TEX11: variants seen among roughly 807,000 people sequenced by gnomAD.
TEX11 encodes testis-expressed protein 11.
In TEX11, 7 loss-of-function variants were observed where a neutral mutation model predicts 84.4. The observed-to-expected ratio is 0.08, with a 90% CI of 0.05 to 0.16. TEX11 has a LOEUF of 0.16. TEX11 is among the 10% of genes least tolerant of loss of function. TEX11 has a pLI of 1.00. For synonymous variants in TEX11, 264 were observed against 222.8 expected (o/e 1.18, Z -1.64); for missense variants, 551 against 660.5 (o/e 0.83, Z 1.82).
chrX:70,637,923 G>A (rs956305506), intron 17 of TEX11, among the ~76,000 whole-genome samples: 1 of 104,398 alleles, frequency 9.6e-6, no homozygotes, highest in Admixed American at 1.2e-4. Context: ...GAACTTACAA[G>A]CTGGAAATAA....
At chrX:70,524,063 C>A (rs931284918), downstream of TEX11, among the ~76,000 whole-genome samples, 4 of 111,533 alleles carry the variant, frequency 3.6e-5, no homozygotes. Flanking sequence ...TGACAAAAAT[C>A]ACTCATGACA....
intron 25 of TEX11, among the ~76,000 whole-genome samples, chrX:70,570,509 G>A (rs112950745): frequency 1.2e-4 from 13 of 112,284 alleles, no homozygotes; most frequent in Non-Finnish European, 2.4e-4. Context: ...CGCTCACGCT[G>A]GGAGCTGTAG....
At chrX:70,779,170 A>T (rs2091020566) in intron 9 of TEX11, among the ~76,000 whole-genome samples, 1 of 111,395 alleles carries the variant, frequency 9.0e-6, no homozygotes, top group Non-Finnish European at 1.9e-5. Flanking sequence ...TAATCCCAGC[A>T]CTTTGGGAGG....
At chrX:70,584,252 C>T (rs1456907632) in intron 25 of TEX11, among the ~76,000 whole-genome samples, 11 of 105,106 alleles carry the variant, frequency 1.0e-4, no homozygotes, top group Non-Finnish European at 1.8e-4. Context: ...CACTGCAGTC[C>T]GCAGTCTGGC....
chrX:70,739,948 C>G (rs777551464), intron 11 of TEX11, among the ~76,000 whole-genome samples: 1 of 111,559 alleles, frequency 9.0e-6, no homozygotes, highest in Non-Finnish European at 1.9e-5. Context: ...TGTGTCACCA[C>G]GCCCGCTTTG....
chrX:70,608,066 G>A (rs1310361479), intron 22 of TEX11, among the ~76,000 whole-genome samples: 1 of 111,621 alleles, frequency 9.0e-6, no homozygotes, highest in Non-Finnish European at 1.9e-5. Context: ...TGTAGTAACT[G>A]CCTCCGCAAG....
At chrX:70,806,914 C>T (rs2091222812) in intron 8 of TEX11, 124 bp from the exon 9 acceptor site, 1 of 440,501 alleles carries the variant, frequency 2.3e-6, no homozygotes, top group Admixed American at 4.4e-5. Flanking sequence ...CAGAGCAAAA[C>T]TCCGTCTCAA....
At chrX:70,728,419 G>C (rs762337447) in intron 11 of TEX11, among the ~76,000 whole-genome samples, 51 of 112,844 alleles carry the variant, frequency 4.5e-4, no homozygotes, top group Non-Finnish European at 9.4e-4. Context: ...CCTAGTCAAA[G>C]AAAGGAGTGA....
At chrX:70,900,395 A>AG (rs376406004) in intron 2 of TEX11, among the ~76,000 whole-genome samples, 124 of 60,079 alleles carry the variant, frequency 2.1e-3, no homozygotes, top group Non-Finnish European at 2.6e-3. Flanking sequence ...AAAAAAAAAA[A>AG]AAGAAGAAGA....
intron 15 of TEX11, among the ~76,000 whole-genome samples, chrX:70,676,582 T>C (rs1273306376): frequency 2.7e-5 from 3 of 112,005 alleles, no homozygotes; most frequent in Admixed American, 1.9e-4. Context: ...TGTCGTTTTG[T>C]GTTTCTTGTG....
chrX:70,618,576 G>A (rs1184029523), intron 20 of TEX11, among the ~76,000 whole-genome samples: 3 of 111,927 alleles, frequency 2.7e-5, no homozygotes, highest in African/African-American at 9.8e-5. Context: ...CTATGTGGCA[G>A]ATTCCTCACG....
intron 9 of TEX11, among the ~76,000 whole-genome samples, chrX:70,747,486 A>AC (rs2090776209): frequency 8.9e-6 from 1 of 112,467 alleles, no homozygotes; most frequent in African/African-American, 3.2e-5. Flanking sequence ...TAGACTTGCT[A>AC]CAATATATTT....
At position 70,648,497 on chromosome X, in the gene TEX11, T is replaced by G. The variant is rs187755627; in HGVS notation, c.1483+2953A>C. 2.7e-5 allele frequency among the ~76,000 whole-genome samples: 3 copies of G among 110,717 alleles called. No individual in the cohort carries two copies. The East Asian group carries it at 8.5e-4, about 31-fold the overall frequency. On this transcript the variant is annotated intron_variant, in intron 17 of 29. Transcript: ENST00000374333. The stretch of plus-strand genomic sequence containing the variant: ...TTTATTTGCCAATTAAAAAAATAAG[T>G]TTTTAAAAAAGACAACTTGTATCCA...
chrX:70,712,365 A>G (rs1354210301), intron 13 of TEX11, among the ~76,000 whole-genome samples: 1 of 111,544 alleles, frequency 9.0e-6, no homozygotes, highest in Non-Finnish European at 1.9e-5. Flanking sequence ...CATTGAATCT[A>G]TAAATTACCT....
At chrX:70,612,855 C>CA (rs982357615) in intron 20 of TEX11, among the ~76,000 whole-genome samples, 3 of 108,985 alleles carry the variant, frequency 2.8e-5, no homozygotes, top group East Asian at 2.9e-4. Flanking sequence ...GGACAAATGA[C>CA]AAAAAAAGAC....
intron 5 of TEX11, among the ~76,000 whole-genome samples, chrX:70,856,525 C>T (rs138941345): frequency 0.018 from 1,938 of 110,598 alleles, 41 homozygotes; most frequent in African/African-American, 0.06. Flanking sequence ...AATATAAATG[C>T]TATGTGAATA....
the TEX11 span, among the ~76,000 whole-genome samples, chrX:70,518,108 G>T: frequency 9.2e-6 from 1 of 108,593 alleles, no homozygotes; most frequent in Non-Finnish European, 1.9e-5. Context: ...AAGGGTTTTT[G>T]TGTCTCTATC....
intron 25 of TEX11, among the ~76,000 whole-genome samples, chrX:70,590,021 T>C (rs981635657): frequency 2.7e-5 from 3 of 112,204 alleles, no homozygotes; most frequent in Non-Finnish European, 5.6e-5. Context: ...TCAGACGATG[T>C]TGTCTGTTTT....
downstream of TEX11, among the ~76,000 whole-genome samples, chrX:70,527,725 C>T (rs2087836732): frequency 9.0e-6 from 1 of 111,575 alleles, no homozygotes; most frequent in African/African-American, 3.3e-5. Flanking sequence ...GAGAGTATCC[C>T]TGTTTTTATG....
Sources: gnomAD v4.1 joint callset for allele counts (sites outside exome capture counted in the v4.1 genomes callset) on GRCh38, gnomAD v4.1.1 for gene constraint, MANE v1.5 for transcripts, NCBI Gene and HGNC (gene_info 2026-07-23, HGNC 2026-07-21) for gene names.